The following CNTN5 variants were observed in gnomAD, a reference collection of about 807,000 sequenced individuals.
CNTN5 encodes contactin 5, also known as contactin-5.
CNTN5 carries 77 observed loss-of-function variants against 129.1 expected under a neutral mutation model. The observed-to-expected ratio is 0.60, with a 90% CI of 0.50 to 0.72. The LOEUF (loss-of-function observed/expected upper bound fraction) is 0.72. Ranked by LOEUF, CNTN5 falls within the 30% of genes least tolerant of loss-of-function variation. CNTN5 has a pLI of 0.00. For missense variants in CNTN5, 1,478 were observed against 1,328.8 expected (o/e 1.11, Z -1.75); for synonymous variants, 509 against 465.6 (o/e 1.09, Z -1.20).
intron 3 of CNTN5, among the ~76,000 whole-genome samples, chr11:99,783,198 A>G (rs988445989): frequency 9.9e-6 from 1 of 101,338 alleles, no homozygotes; most frequent in Non-Finnish European, 2.0e-5. Context: ...ACATTTATGC[A>G]GCCAAAAAAC....
chr11:99,038,456 C>G (rs1863849664), intron 1 of CNTN5, among the ~76,000 whole-genome samples: 1 of 152,044 alleles, frequency 6.6e-6, no homozygotes, highest in Non-Finnish European at 1.5e-5. Flanking sequence ...CTCCTTCTAG[C>G]TATTATAAAC....
chr11:99,381,918 T>G (rs1470326940), intron 2 of CNTN5, among the ~76,000 whole-genome samples: 2 of 152,128 alleles, frequency 1.3e-5, no homozygotes, highest in African/African-American at 4.8e-5. Flanking sequence ...AGCTTGAAAG[T>G]GATCCACCCA....
chr11:100,095,861 T>C (rs1944992286), intron 13 of CNTN5, among the ~76,000 whole-genome samples: 1 of 152,112 alleles, frequency 6.6e-6, no homozygotes, highest in African/African-American at 2.4e-5. Flanking sequence ...CATGTCTCCA[T>C]TATTTTTAGC....
At chr11:99,107,539 G>C (rs1307973094) in intron 1 of CNTN5, among the ~76,000 whole-genome samples, 2 of 151,858 alleles carry the variant, frequency 1.3e-5, no homozygotes, top group African/African-American at 4.8e-5. Flanking sequence ...TAATTCTTGA[G>C]TCATCATAGG....
At chr11:99,787,424 G>A (rs919022386) in intron 3 of CNTN5, among the ~76,000 whole-genome samples, 2 of 150,932 alleles carry the variant, frequency 1.3e-5, no homozygotes, top group Admixed American at 1.3e-4. Context: ...TTACTTATAA[G>A]GTATAATATT....
At chr11:99,977,934 A>C (rs1276065067) in intron 8 of CNTN5, among the ~76,000 whole-genome samples, 1 of 152,252 alleles carries the variant, frequency 6.6e-6, no homozygotes, top group Non-Finnish European at 1.5e-5. Flanking sequence ...TGAGAATTTC[A>C]GTGCAGTAAT....
intron 3 of CNTN5, among the ~76,000 whole-genome samples, chr11:99,561,371 T>C (rs1948837512): frequency 6.6e-6 from 1 of 152,158 alleles, no homozygotes; most frequent in Non-Finnish European, 1.5e-5. Flanking sequence ...TAAGTCCATA[T>C]TGATATAGAT....
chr11:99,193,661 G>T (rs74789376), intron 1 of CNTN5, among the ~76,000 whole-genome samples: 2 of 152,072 alleles, frequency 1.3e-5, no homozygotes, highest in Non-Finnish European at 2.9e-5. Flanking sequence ...GGGACTTTTC[G>T]CACTCATTTA....
intron 3 of CNTN5, among the ~76,000 whole-genome samples, chr11:99,696,712 A>G (rs979398944): frequency 1.3e-4 from 20 of 151,900 alleles, no homozygotes; most frequent in African/African-American, 3.9e-4. Flanking sequence ...GAAAGAAAAC[A>G]GTTCCATGTT....
chr11:99,613,376 C>T (rs755103876), intron 3 of CNTN5, among the ~76,000 whole-genome samples: 1 of 152,166 alleles, frequency 6.6e-6, no homozygotes, highest in Non-Finnish European at 1.5e-5. Context: ...CCTTGCTTCT[C>T]TTTCGCCTTC....
intron 2 of CNTN5, among the ~76,000 whole-genome samples, chr11:99,515,838 A>T (rs1309060052): frequency 1.3e-5 from 2 of 151,952 alleles, no homozygotes; most frequent in African/African-American, 4.8e-5. Flanking sequence ...CATTATATCA[A>T]TTGCTATTAT....
chr11:99,068,879 A>C (rs1865215797), intron 1 of CNTN5, among the ~76,000 whole-genome samples: 1 of 152,194 alleles, frequency 6.6e-6, no homozygotes, highest in South Asian at 2.1e-4. Context: ...AATTTTAAAA[A>C]TAATCAGATC....
chr11:100,126,366 A>T (rs895578794), intron 13 of CNTN5, among the ~76,000 whole-genome samples: 2 of 152,078 alleles, frequency 1.3e-5, no homozygotes, highest in African/African-American at 4.8e-5. Flanking sequence ...GTACCTTGAT[A>T]ATCTTTGTAA....
At chr11:99,058,979 T>C (rs1232922383) in intron 1 of CNTN5, among the ~76,000 whole-genome samples, 1 of 149,330 alleles carries the variant, frequency 6.7e-6, no homozygotes, top group Non-Finnish European at 1.5e-5. Flanking sequence ...TACACATACA[T>C]ACATATATAA....
chr11:99,718,225 A>C (rs538176717), intron 3 of CNTN5, among the ~76,000 whole-genome samples: 1 of 152,254 alleles, frequency 6.6e-6, no homozygotes, highest in East Asian at 1.9e-4. Flanking sequence ...GTGTTCACTA[A>C]TACATTTGTT....
rs1485730197 is a variant in CNTN5 at position 100,002,023 on chromosome 11, T to G, written c.878-11T>G. On this transcript the variant is annotated splice_polypyrimidine_tract_variant and intron_variant, in intron 8 of 24. Transcript: ENST00000524871. ...TCATTTGATGCTTAAAGACTATTCTTTCTTTCTAAGGTGTGATGGGAGAAT... is the reference window on the plus strand; with the variant it reads ...TCATTTGATGCTTAAAGACTATTCTGTCTTTCTAAGGTGTGATGGGAGAAT... 1 of 1,542,622 alleles carries G rather than the reference T, an allele frequency of 6.5e-7. No individual in the cohort carries two copies. The highest frequency in any genetic ancestry group is 8.8e-7 in the Non-Finnish European group (1 of 1,135,880).
intron 3 of CNTN5, among the ~76,000 whole-genome samples, chr11:99,640,434 G>T (rs1951729651): frequency 6.6e-6 from 1 of 152,170 alleles, no homozygotes; most frequent in African/African-American, 2.4e-5. Context: ...AAACCCATCA[G>T]ATCTCATGTG....
At chr11:99,758,359 G>A (rs1329868338) in intron 3 of CNTN5, among the ~76,000 whole-genome samples, 1 of 152,010 alleles carries the variant, frequency 6.6e-6, no homozygotes, top group African/African-American at 2.4e-5. Context: ...TGCTTACAAA[G>A]AACTTATACT....
intron 13 of CNTN5, among the ~76,000 whole-genome samples, chr11:100,117,490 G>A (rs1158091265): frequency 6.6e-6 from 1 of 151,954 alleles, no homozygotes; most frequent in Non-Finnish European, 1.5e-5. Flanking sequence ...GCAAAATAGT[G>A]TTTCTGGGAG....
Sources: gnomAD v4.1 joint callset for allele counts (sites outside exome capture counted in the v4.1 genomes callset) on GRCh38, gnomAD v4.1.1 for gene constraint, MANE v1.5 for transcripts, NCBI Gene and HGNC (gene_info 2026-07-23, HGNC 2026-07-21) for gene names.